SCN8A: variants seen among roughly 807,000 people sequenced by gnomAD.
SCN8A encodes sodium voltage-gated channel alpha subunit 8.
In SCN8A, 30 loss-of-function variants were observed where a neutral mutation model predicts 184.1. The observed-to-expected ratio is 0.16, with a 90% confidence interval of 0.12 to 0.22. The LOEUF (loss-of-function observed/expected upper bound fraction) is 0.22. SCN8A is among the 10% of genes least tolerant of loss of function. The probability of loss-of-function intolerance (pLI) is 1.00; values close to 1 mark genes in which losing one functional copy is unlikely to be tolerated. For missense variants in SCN8A, 1,057 were observed against 2,498.9 expected (o/e 0.42, Z 12.30); for synonymous variants, 852 against 907.0 (o/e 0.94, Z 1.09).
chr12:51,734,457 G>A (rs940631899), intron 12 of SCN8A, among the ~76,000 whole-genome samples: 1 of 152,206 alleles, frequency 6.6e-6, no homozygotes, highest in African/African-American at 2.4e-5. Context: ...GAATAGGTTG[G>A]GCTAGTTAAC....
chr12:51,676,891 G>T (rs1025944403), intron 2 of SCN8A, among the ~76,000 whole-genome samples: 1 of 152,086 alleles, frequency 6.6e-6, no homozygotes, highest in Non-Finnish European at 1.5e-5. Context: ...GGGAGAATTG[G>T]TTGAGTGAAG....
Position 51,706,435 on chromosome 12 carries a change from C to T in SCN8A, c.1355C>T (p.Ala452Val). Reference protein sequence around the residue: ...QQEEAQAAAMATSAGTVSEDA... With the variant: ...QQEEAQAAAMVTSAGTVSEDA... ...CTTCTTTCCTAGGCTGCTGCGATGG[C>T]CACTTCAGCAGGAACTGTCTCAGAA... The change falls in exon 11 of 27, where the codon GCC (alanine) becomes GTC (valine). Residue 452 changes from alanine (A) to valine (V), a missense_variant. This residue lies in a region of SCN8A where 322 missense variants were observed against 390.1 expected (regional missense o/e 0.83). Transcript: ENST00000627620. 1 of 1,587,246 alleles carries T rather than the reference C, an allele frequency of 6.3e-7. No homozygotes were observed. Among genetic ancestry groups the T allele is most frequent in the Non-Finnish European group, 8.6e-7 (1 of 1,168,350 alleles).
intron 1 of SCN8A, among the ~76,000 whole-genome samples, chr12:51,636,323 T>A (rs539602828): frequency 1.3e-5 from 2 of 152,282 alleles, no homozygotes; most frequent in East Asian, 1.9e-4. Context: ...TAATACAATC[T>A]TTATAGAATG....
intron 2 of SCN8A, among the ~76,000 whole-genome samples, chr12:51,673,793 C>A (rs1475703049): frequency 6.6e-6 from 1 of 152,092 alleles, no homozygotes; most frequent in African/African-American, 2.4e-5. Context: ...GGTATGTAAA[C>A]CTCAATAACA....
At position 51,664,261 on chromosome 12, in the gene SCN8A, G is replaced by A. The variant is rs1012139930; in HGVS notation, c.276+1168G>A. 3.3e-5 allele frequency among the ~76,000 whole-genome samples: 5 copies of A among 151,370 alleles called. No homozygotes were observed. In the South Asian group the frequency reaches 6.3e-4, roughly 19 times the overall value. ...CTCGCACTGTTGCCCAGACAGGAGT[G>A]CAGTGGTGCGGTCTCAGCTCACTGC... On this transcript the variant is annotated intron_variant, in intron 2 of 26. Coordinates refer to ENST00000627620, the MANE Select transcript of SCN8A (RefSeq NM_001330260.2).
At chr12:51,633,637 A>G (rs1675484434) in intron 1 of SCN8A, among the ~76,000 whole-genome samples, 2 of 152,158 alleles carry the variant, frequency 1.3e-5, no homozygotes. Context: ...CCTCTGTTGC[A>G]CATTAAACTT....
At chr12:51,756,333 C>A (rs1203146180) in intron 14 of SCN8A, among the ~76,000 whole-genome samples, 1 of 152,170 alleles carries the variant, frequency 6.6e-6, no homozygotes, top group African/African-American at 2.4e-5. Flanking sequence ...CCTGTTTGGA[C>A]ACTTTCCTCA....
rs538552696 is a variant in SCN8A at position 51,727,232 on chromosome 12, A to G, written c.1998+5324A>G. ...CAAACTTGTACGGGGTTTAACTTCCAAAGAACTTACTTAAGGTTTTCAGTT... is the reference window on the plus strand; with the variant it reads ...CAAACTTGTACGGGGTTTAACTTCCGAAGAACTTACTTAAGGTTTTCAGTT... On this transcript the variant is annotated intron_variant, in intron 12 of 26. Coordinates refer to ENST00000627620, the MANE Select transcript of SCN8A (RefSeq NM_001330260.2). 1.1e-4 allele frequency among the ~76,000 whole-genome samples: 16 copies of G among 152,292 alleles called. No homozygotes were observed. The South Asian group carries it at 1.9e-3, about 18-fold the overall frequency.
chr12:51,758,636 C>G (rs1942715019), intron 14 of SCN8A, among the ~76,000 whole-genome samples: 1 of 152,124 alleles, frequency 6.6e-6, no homozygotes, highest in African/African-American at 2.4e-5. Context: ...TGGAGTTTCA[C>G]CATGTTGGCC....
At chr12:51,802,494 C>T (rs1938583784) in intron 26 of SCN8A, among the ~76,000 whole-genome samples, 1 of 152,228 alleles carries the variant, frequency 6.6e-6, no homozygotes, top group Admixed American at 6.5e-5. Flanking sequence ...GCTACGCATG[C>T]ACCTTTCCTT....
intron 1 of SCN8A, among the ~76,000 whole-genome samples, chr12:51,614,460 A>G (rs186498477): frequency 3.3e-5 from 5 of 152,226 alleles, no homozygotes; most frequent in African/African-American, 1.2e-4. Flanking sequence ...CTTAAAAGAC[A>G]TTTTTCCCTT....
At chr12:51,597,396 T>G (rs1939372497) in intron 1 of SCN8A, among the ~76,000 whole-genome samples, 1 of 152,148 alleles carries the variant, frequency 6.6e-6, no homozygotes, top group African/African-American at 2.4e-5. Flanking sequence ...CTATAAATTT[T>G]TGGGGGTTCC....
chr12:51,788,823 C>A, intron 23 of SCN8A, 75 bp downstream of exon 23: 1 of 1,250,886 alleles, frequency 8.0e-7, no homozygotes, highest in Non-Finnish European at 1.1e-6. Context: ...CCGAGCCCAC[C>A]AAGAAAGAGG....
intron 2 of SCN8A, among the ~76,000 whole-genome samples, chr12:51,670,881 C>T (rs1941118928): frequency 6.6e-6 from 1 of 152,192 alleles, no homozygotes; most frequent in African/African-American, 2.4e-5. Context: ...TGCCGGGGCT[C>T]TGTTCCGTGC....
chr12:51,623,594 G>A (rs897252232), intron 1 of SCN8A, among the ~76,000 whole-genome samples: 2 of 152,082 alleles, frequency 1.3e-5, no homozygotes, highest in African/African-American at 4.8e-5. Flanking sequence ...GCCTATAGTT[G>A]TCAGTCAAAA....
intron 6 of SCN8A, among the ~76,000 whole-genome samples, chr12:51,694,537 G>A (rs1373235062): frequency 2.6e-5 from 4 of 152,306 alleles, no homozygotes; most frequent in Admixed American, 6.5e-5. Context: ...ACTCAGACAC[G>A]TACCAAAGCG....
At chr12:51,658,397 A>G (rs1940864318) in intron 1 of SCN8A, among the ~76,000 whole-genome samples, 1 of 151,944 alleles carries the variant, frequency 6.6e-6, no homozygotes, top group Non-Finnish European at 1.5e-5. Context: ...TGCTTTCTTG[A>G]TATCTTTTTC....
At chr12:51,608,214 G>A (rs970960184) in intron 1 of SCN8A, among the ~76,000 whole-genome samples, 6 of 151,762 alleles carry the variant, frequency 4.0e-5, no homozygotes, top group African/African-American at 1.5e-4. Flanking sequence ...AGTAGAGACG[G>A]GGTTTCACCA....
In SCN8A at chr12:51,811,771, G is replaced by A. The variant is rs1174916155; in HGVS notation, c.*4342G>A. 6.6e-6 allele frequency: 1 copy of A among 152,438 alleles called. No individual in the cohort carries two copies. Among genetic ancestry groups the A allele is most frequent in the Non-Finnish European group, 1.5e-5 (1 of 68,182 alleles). 9.4% of individuals were successfully genotyped at this position (152,438 alleles called of 1,614,324 possible). A position where few individuals can be genotyped will look rare whatever the true frequency, so the allele number is the denominator to read the frequency against. Reference sequence around the variant, plus strand: ...CAGTAGCTCCACTCTGGAGCGAGATGGCTGGTAGGTCAGTCCCCATCCTCC... The same window carrying A: ...CAGTAGCTCCACTCTGGAGCGAGATAGCTGGTAGGTCAGTCCCCATCCTCC... On this transcript the variant is annotated 3_prime_UTR_variant, in exon 27 of 27. Coordinates refer to ENST00000627620, the MANE Select transcript of SCN8A (RefSeq NM_001330260.2).
Sources: allele counts gnomAD v4.1 joint callset (sites outside exome capture counted in the v4.1 genomes callset), GRCh38; gene constraint gnomAD v4.1.1; regional missense constraint gnomAD v4.1.1; transcripts MANE v1.5; gene names NCBI Gene and HGNC (gene_info 2026-07-23, HGNC 2026-07-21).